Variants in MYO19 observed in about 807,000 individuals in gnomAD.
MYO19 encodes unconventional myosin-XIX.
A neutral mutation model predicts 129.2 loss-of-function variants in MYO19; 132 were observed. That is an observed-to-expected ratio of 1.02 (90% CI 0.89 to 1.18). MYO19 has a LOEUF of 1.18. Among genes scored for constraint, MYO19 ranks in the 50% most tolerant of loss-of-function variants. The pLI is 0.00. For missense variants in MYO19, 1,210 were observed against 1,216.7 expected (o/e 0.99, Z 0.08); for synonymous variants, 531 against 477.2 (o/e 1.11, Z -1.47).
upstream of MYO19, chr17:36,538,029 C>T: frequency 6.2e-7 from 1 of 1,614,056 alleles, no homozygotes; most frequent in South Asian, 1.1e-5. Flanking sequence ...AATCTCTACC[C>T]TGGGGTATGT....
chr17:36,535,022 G>C (rs1437015826), upstream of MYO19: 2 of 152,526 alleles, frequency 1.3e-5, no homozygotes, highest in African/African-American at 2.4e-5. Flanking sequence ...GCTTGGCCGG[G>C]ACGCCTGGTC....
chr17:36,532,926 T>C (rs1204234898), intron 2 of MYO19, among the ~76,000 whole-genome samples: 1 of 152,150 alleles, frequency 6.6e-6, no homozygotes, highest in African/African-American at 2.4e-5. Flanking sequence ...CTGCAAACCC[T>C]CTGGGTCAGT....
upstream of MYO19, chr17:36,537,335 T>C (rs767714420): frequency 2.5e-6 from 4 of 1,613,952 alleles, no homozygotes; most frequent in African/African-American, 4.0e-5. Context: ...GGGCTTCATT[T>C]ATCCTCCTTG....
chr17:36,520,086 C>T lies in MYO19; in HGVS notation c.415-4096G>A, dbSNP rs190721524. Among the ~76,000 whole-genome samples, 277 of 152,178 alleles carry T rather than the reference C, an allele frequency of 1.8e-3. 1 individual carries two copies. The highest frequency in any genetic ancestry group is 4.6e-3 in the South Asian group (22 of 4,826). ...CTCCTCCTGGGTTCAAGCAATTCTC[C>T]CACCTCAGCTCCCAAGTAGCTGGGA... is the stretch of plus-strand genomic sequence containing the variant. On this transcript the variant is annotated intron_variant, in intron 6 of 25. Coordinates refer to ENST00000614623, the MANE Select transcript of MYO19 (RefSeq NM_001163735.2).
intron 7 of MYO19, 103 bp downstream of exon 7, chr17:36,515,755 C>A: frequency 7.6e-7 from 1 of 1,323,714 alleles, no homozygotes; most frequent in South Asian, 1.4e-5. Flanking sequence ...CATCCTCCAC[C>A]CCCACCCAAG....
chr17:36,509,568 C>T (rs2072171435), intron 13 of MYO19: 1 of 223,486 alleles, frequency 4.5e-6, no homozygotes, highest in African/African-American at 2.3e-5. Context: ...CCACCATACC[C>T]CCTGATGTAG....
intron 5 of MYO19, among the ~76,000 whole-genome samples, chr17:36,526,860 C>T (rs1021264235): frequency 6.6e-6 from 1 of 152,090 alleles, no homozygotes; most frequent in South Asian, 2.1e-4. Context: ...GCGCTCCAGC[C>T]TGGGTGACAG....
chr17:36,527,542 G>A lies in MYO19; in HGVS notation c.300+9C>T. ...AGCCCTGAGGCCACAGGCAGCGGCAGAGCCTTACCTGGGGCTGAGGCGCAG... is the reference window on the plus strand; with the variant it reads ...AGCCCTGAGGCCACAGGCAGCGGCAAAGCCTTACCTGGGGCTGAGGCGCAG... On this transcript the variant is annotated intron_variant, in intron 5 of 25. Transcript: ENST00000614623. 5 of 1,612,336 alleles carry A rather than the reference G, an allele frequency of 3.1e-6. No individual in the cohort carries two copies. Among genetic ancestry groups the A allele is most frequent in the Non-Finnish European group, 4.2e-6 (5 of 1,179,138 alleles).
At chr17:36,524,519 C>T (rs1207265087) in intron 6 of MYO19, among the ~76,000 whole-genome samples, 1 of 152,198 alleles carries the variant, frequency 6.6e-6, no homozygotes, top group Admixed American at 6.5e-5. Flanking sequence ...ACTAGCTGTG[C>T]AACTCCCCAC....
chr17:36,526,283 G>A (rs1248689251), intron 5 of MYO19, among the ~76,000 whole-genome samples: 32 of 152,124 alleles, frequency 2.1e-4, no homozygotes, highest in Admixed American at 2.1e-3. Context: ...ATGCTCTGCA[G>A]ATTCTCTCTG....
chr17:36,537,115 A>C (rs1567808106), upstream of MYO19: 1 of 1,588,368 alleles, frequency 6.3e-7, no homozygotes, highest in South Asian at 1.1e-5. Flanking sequence ...TCTGAAAAGC[A>C]GATGAAGGAA....
Position 36,506,956 on chromosome 17 carries a change from C to T in MYO19, c.1644+7G>A, listed in dbSNP as rs1048346087. On this transcript the variant is annotated splice_region_variant and intron_variant, in intron 17 of 25. Coordinates refer to ENST00000614623, the MANE Select transcript of MYO19 (RefSeq NM_001163735.2). ...GCAGGCCCCACAGGGCATGGCCCAG[C>T]CCGTACCTTGTTCTTCTCCACCAGG... 1 of 1,586,636 alleles carries T rather than the reference C, an allele frequency of 6.3e-7. No homozygotes were observed. Among genetic ancestry groups the T allele is most frequent in the Non-Finnish European group, 8.6e-7 (1 of 1,161,176 alleles).
intron 23 of MYO19, 30 bp from the exon 24 acceptor site, chr17:36,499,190 G>GATA: frequency 6.5e-7 from 1 of 1,549,184 alleles, no homozygotes; most frequent in Non-Finnish European, 8.8e-7. Context: ...ACAGGAAAGA[G>GATA]ATAATAAAGG....
At chr17:36,519,878 C>T (rs2073033215) in intron 6 of MYO19, among the ~76,000 whole-genome samples, 1 of 152,056 alleles carries the variant, frequency 6.6e-6, no homozygotes, top group South Asian at 2.1e-4. Flanking sequence ...TTTTTTCTTT[C>T]AGCACCTTAA....
At chr17:36,520,165 G>A (rs979072380) in intron 6 of MYO19, among the ~76,000 whole-genome samples, 2 of 151,902 alleles carry the variant, frequency 1.3e-5, no homozygotes, top group Admixed American at 6.6e-5. Flanking sequence ...TAATAGAGAC[G>A]GGATTTCACC....
intron 6 of MYO19, among the ~76,000 whole-genome samples, chr17:36,518,537 T>TATATATATAC (rs2075277939): frequency 1.1e-5 from 1 of 89,898 alleles, no homozygotes; most frequent in Non-Finnish European, 2.2e-5. Flanking sequence ...AATATATATA[T>TATATATATAC]ATATATATAT....
intron 23 of MYO19, chr17:36,499,547 G>C (rs1034291725): frequency 6.0e-6 from 1 of 166,646 alleles, no homozygotes; most frequent in Non-Finnish European, 1.3e-5. Context: ...GAATTTGTTC[G>C]CTTTATGCAT....
intron 12 of MYO19, 82 bp downstream of exon 12, chr17:36,511,283 A>ACCATCCAG: frequency 6.9e-7 from 1 of 1,447,756 alleles, no homozygotes; most frequent in Non-Finnish European, 9.5e-7. Flanking sequence ...TCCAATTTTC[A>ACCATCCAG]CCATCCAGCC....
At chr17:36,511,484 T>G in intron 11 of MYO19, 29 bp from the exon 12 acceptor site, 1 of 1,547,752 alleles carries the variant, frequency 6.5e-7, no homozygotes, top group Non-Finnish European at 8.7e-7. Context: ...TGGGTGGGAG[T>G]AGGAGAGGGC....
Sources: gnomAD v4.1 joint callset for allele counts (sites outside exome capture counted in the v4.1 genomes callset) on GRCh38, gnomAD v4.1.1 for gene constraint, MANE v1.5 for transcripts, NCBI Gene and HGNC (gene_info 2026-07-23, HGNC 2026-07-21) for gene names.